EYS: variants seen among roughly 807,000 people sequenced by gnomAD.
EYS encodes the protein EGF-like photoreceptor maintenance factor, also known as protein eyes shut homolog.
A neutral mutation model predicts 282.1 loss-of-function variants in EYS; 250 were observed. The ratio of observed to expected loss-of-function variants is 0.89; its 90% CI spans 0.80 to 0.98. The LOEUF (loss-of-function observed/expected upper bound fraction) is 0.98. Ranked by LOEUF, EYS falls within the 50% of genes least tolerant of loss-of-function variation. The pLI is 0.00. For missense variants in EYS, 4,016 were observed against 3,709.0 expected (o/e 1.08, Z -2.15); for synonymous variants, 1,355 against 1,282.9 (o/e 1.06, Z -1.20).
chr6:63,856,245 G>C (rs936849992), intron 36 of EYS, among the ~76,000 whole-genome samples: 5 of 148,626 alleles, frequency 3.4e-5, no homozygotes, highest in Admixed American at 1.3e-4. Context: ...ATAAACTACA[G>C]AGGTTTACTT....
chr6:65,415,286 A>T (rs1767185999), intron 5 of EYS, among the ~76,000 whole-genome samples: 1 of 152,068 alleles, frequency 6.6e-6, no homozygotes, highest in Admixed American at 6.6e-5. Context: ...TTCACCTGGT[A>T]TCTCATTAGA....
rs556660906 is a variant in EYS, at chr6:63,741,917, C to G, written c.8072-15237G>C. On this transcript the variant is annotated intron_variant, in intron 41 of 42. Transcript: ENST00000503581. ...GCTGTTTGTACTGGTCCTTACCCTC[C>G]TTCTTCACTTTCCGTTCTGCTGGTT... is the stretch of plus-strand genomic sequence containing the variant. 9.7e-5 allele frequency: 68 copies of G among 702,338 alleles called. 1 individual carries two copies. Among genetic ancestry groups the G allele is most frequent in the Admixed American group, 8.6e-4 (43 of 50,008 alleles). 43.5% of individuals were successfully genotyped at this position (702,338 alleles called of 1,614,324 possible).
chr6:65,080,194 A>G (rs1774190537), intron 12 of EYS, among the ~76,000 whole-genome samples: 1 of 152,088 alleles, frequency 6.6e-6, no homozygotes, highest in Admixed American at 6.6e-5. Flanking sequence ...TGAGGGAAGG[A>G]GCCCTCGACA....
chr6:64,982,975 G>T (rs1770728314), intron 14 of EYS, among the ~76,000 whole-genome samples: 1 of 151,128 alleles, frequency 6.6e-6, no homozygotes, highest in South Asian at 2.1e-4. Context: ...TATGATGCTT[G>T]TCAGTGCCTG....
chr6:64,679,060 T>C (rs916125338), intron 22 of EYS, among the ~76,000 whole-genome samples: 1 of 152,178 alleles, frequency 6.6e-6, no homozygotes, highest in Non-Finnish European at 1.5e-5. Context: ...AGTTTATATA[T>C]TCATAATCTA....
chr6:65,555,855 G>A (rs1204333091), intron 2 of EYS, among the ~76,000 whole-genome samples: 2 of 152,150 alleles, frequency 1.3e-5, no homozygotes, highest in Non-Finnish European at 2.9e-5. Context: ...ACAGTAAAAA[G>A]ATGAATACTG....
chr6:64,835,984 C>T (rs988889659), intron 19 of EYS, among the ~76,000 whole-genome samples: 1 of 151,546 alleles, frequency 6.6e-6, no homozygotes, highest in African/African-American at 2.4e-5. Flanking sequence ...AAATGCCTCC[C>T]TTTCCTCCAT....
At chr6:64,433,637 T>A (rs1242868346) in intron 28 of EYS, among the ~76,000 whole-genome samples, 1 of 152,014 alleles carries the variant, frequency 6.6e-6, no homozygotes, top group Non-Finnish European at 1.5e-5. Flanking sequence ...TGTATGTAAA[T>A]TGAAACAAAA....
chr6:64,068,176 T>C (rs901101085), intron 32 of EYS, among the ~76,000 whole-genome samples: 1 of 152,192 alleles, frequency 6.6e-6, no homozygotes, highest in African/African-American at 2.4e-5. Flanking sequence ...AGATTTTACC[T>C]ATTCTGTTTA....
At chr6:63,813,228 C>T (rs999416439) in intron 36 of EYS, among the ~76,000 whole-genome samples, 1 of 152,304 alleles carries the variant, frequency 6.6e-6, no homozygotes, top group Non-Finnish European at 1.5e-5. Flanking sequence ...GATCTGCCCA[C>T]CTTGGCCTCC....
chr6:64,853,826 G>T (rs1765961552), intron 19 of EYS, among the ~76,000 whole-genome samples: 1 of 151,974 alleles, frequency 6.6e-6, no homozygotes, highest in South Asian at 2.1e-4. Flanking sequence ...TACAGAATGG[G>T]AGAAAATTTT....
chr6:65,094,821 GA>G (rs924942674), intron 12 of EYS, among the ~76,000 whole-genome samples: 7 of 150,930 alleles, frequency 4.6e-5, no homozygotes, highest in African/African-American at 1.5e-4. Flanking sequence ...GCTGGAAAAG[GA>G]ATAACAAATT....
chr6:63,835,634 C>T (rs1771785333), intron 36 of EYS, among the ~76,000 whole-genome samples: 1 of 151,888 alleles, frequency 6.6e-6, no homozygotes, highest in African/African-American at 2.4e-5. Context: ...GCAGTGTATA[C>T]TGTCTGGATG....
At chr6:65,571,507 T>C (rs1458030578) in intron 2 of EYS, among the ~76,000 whole-genome samples, 1 of 152,020 alleles carries the variant, frequency 6.6e-6, no homozygotes, top group Non-Finnish European at 1.5e-5. Context: ...CTACTCTGGC[T>C]TTAGAGTTTC....
intron 14 of EYS, among the ~76,000 whole-genome samples, chr6:64,980,431 A>C (rs1770617287): frequency 6.6e-6 from 1 of 151,594 alleles, no homozygotes; most frequent in African/African-American, 2.4e-5. Context: ...CCAGAATGCC[A>C]CAATAAATAT....
intron 35 of EYS, among the ~76,000 whole-genome samples, chr6:63,940,605 T>G (rs1239751854): frequency 2.0e-5 from 3 of 152,128 alleles, no homozygotes; most frequent in Non-Finnish European, 4.4e-5. Context: ...AGGAGTAGCT[T>G]CTTCTGATGA....
intron 18 of EYS, among the ~76,000 whole-genome samples, chr6:64,893,599 G>A (rs899015092): frequency 2.2e-4 from 34 of 152,036 alleles, no homozygotes; most frequent in Admixed American, 5.9e-4. Flanking sequence ...ATTTTCAGCT[G>A]CTAATTGATT....
intron 22 of EYS, among the ~76,000 whole-genome samples, chr6:64,708,434 C>G (rs1256761785): frequency 3.3e-5 from 5 of 152,110 alleles, no homozygotes; most frequent in Non-Finnish European, 5.9e-5. Flanking sequence ...ACTCCCAATT[C>G]CAAATTCCTG....
At chr6:65,443,791 T>C (rs1303730141) in intron 5 of EYS, among the ~76,000 whole-genome samples, 2 of 151,690 alleles carry the variant, frequency 1.3e-5, no homozygotes, top group Non-Finnish European at 1.5e-5. Flanking sequence ...TAGTTACATA[T>C]ACATTATGTA....
Sources: gnomAD v4.1 joint callset for allele counts (sites outside exome capture counted in the v4.1 genomes callset) on GRCh38, gnomAD v4.1.1 for gene constraint, MANE v1.5 for transcripts, NCBI Gene and HGNC (gene_info 2026-07-23, HGNC 2026-07-21) for gene names.